The following CCL28 variants were observed in gnomAD, a reference collection of about 807,000 sequenced individuals.
The protein encoded by CCL28 is C-C motif chemokine ligand 28, also known as C-C motif chemokine 28.
Under a neutral mutation model 7.1 loss-of-function variants are expected in CCL28, and 4 were observed. The ratio of observed to expected loss-of-function variants is 0.56; its 90% CI spans 0.28 to 1.29. The LOEUF is 1.29. Ranked by LOEUF, CCL28 falls within the 50% of genes most tolerant of loss-of-function variation. The pLI is 0.11. For missense variants in CCL28, 151 were observed against 163.4 expected, an observed-to-expected ratio of 0.92 and a Z score of 0.41; for synonymous variants, 55 against 57.8, an observed-to-expected ratio of 0.95 and a Z score of 0.22.
chr5:43,382,924 T>A (rs1740181768), intron 2 of CCL28, among the ~76,000 whole-genome samples: 1 of 152,088 alleles, frequency 6.6e-6, no homozygotes, highest in African/African-American at 2.4e-5. Context: ...GTTCAAGTGA[T>A]TCTTCTGCCT....
chr5:43,397,757 C>T (rs1041743143), intron 1 of CCL28, among the ~76,000 whole-genome samples: 2 of 152,106 alleles, frequency 1.3e-5, no homozygotes, highest in Admixed American at 6.5e-5. Flanking sequence ...TTTTATCTTT[C>T]GGTTAAGATT....
At chr5:43,404,332 G>A (rs1741173636) in intron 1 of CCL28, among the ~76,000 whole-genome samples, 1 of 152,206 alleles carries the variant, frequency 6.6e-6, no homozygotes, top group East Asian at 1.9e-4. Context: ...CTACAAGCCA[G>A]AAGAGAGTAG....
At chr5:43,405,083 A>C (rs1741213746) in intron 1 of CCL28, among the ~76,000 whole-genome samples, 1 of 152,114 alleles carries the variant, frequency 6.6e-6, no homozygotes, top group Admixed American at 6.5e-5. Flanking sequence ...CACTGTCAAC[A>C]TTAGACAAAT....
downstream of CCL28, chr5:43,379,125 C>T (rs564291485): frequency 7.9e-5 from 12 of 152,098 alleles, no homozygotes; most frequent in African/African-American, 2.7e-4. Context: ...AATTGCAGAT[C>T]GATCTAGTAA....
chr5:43,396,311 A>T (rs888725969), intron 1 of CCL28, among the ~76,000 whole-genome samples: 4 of 152,290 alleles, frequency 2.6e-5, no homozygotes, highest in Middle Eastern at 3.4e-3. Flanking sequence ...GGTAGGATTT[A>T]GCCGGCTTCT....
chr5:43,392,642 T>C (rs539591419), intron 1 of CCL28, among the ~76,000 whole-genome samples: 9 of 152,344 alleles, frequency 5.9e-5, no homozygotes, highest in African/African-American at 2.2e-4. Context: ...CTGCACATCC[T>C]CAACAACTTT....
At chr5:43,366,451 G>C in the CCL28 span, among the ~76,000 whole-genome samples, 4 of 152,260 alleles carry the variant, frequency 2.6e-5, no homozygotes, top group African/African-American at 9.6e-5. Context: ...GGAGTTTGCC[G>C]GAGGTCCACT....
At chr5:43,370,363 T>C in the CCL28 span, among the ~76,000 whole-genome samples, 1 of 151,962 alleles carries the variant, frequency 6.6e-6, no homozygotes, top group South Asian at 2.1e-4. Flanking sequence ...TATGAGGTCA[T>C]GACTACGCAT....
rs1740096665 is a variant in CCL28 at position 43,381,179 on chromosome 5, G to A, written c.*681C>T. 6.6e-6 allele frequency: 1 copy of A among 151,928 alleles called. No individual in the cohort carries two copies. Among genetic ancestry groups the A allele is most frequent in the African/African-American group, 2.4e-5 (1 of 41,382 alleles). The allele number at this position is 151,928 out of a possible 1,614,324, so 9.4% of individuals were successfully genotyped here. A position where few individuals can be genotyped will look rare whatever the true frequency, so the allele number is the denominator to read the frequency against. ...TTTAAAAGTTATAATATTTTATATA[G>A]AAACACATACAAAGAGAGGAGAGAG... On this transcript the variant is annotated 3_prime_UTR_variant, in exon 3 of 3. Transcript: ENST00000361115.
At chr5:43,409,775 A>C (rs568421253) in intron 1 of CCL28, among the ~76,000 whole-genome samples, 2 of 152,242 alleles carry the variant, frequency 1.3e-5, no homozygotes, top group East Asian at 1.9e-4. Flanking sequence ...CTTAATGTAC[A>C]ATAAAACAGC....
chr5:43,410,315 G>GC (rs1213835105), intron 1 of CCL28, among the ~76,000 whole-genome samples: 1 of 152,172 alleles, frequency 6.6e-6, no homozygotes, highest in African/African-American at 2.4e-5. Context: ...CTGTGGCGTT[G>GC]CCCCTCTATT....
chr5:43,382,069 CA>C lies in CCL28; in HGVS notation c.192-18del. 6.3e-7 allele frequency: 1 copy of C among 1,595,736 alleles called. No homozygotes were observed. Among genetic ancestry groups the C allele is most frequent in the Non-Finnish European group, 8.5e-7 (1 of 1,170,566 alleles). Reference sequence around the variant, plus strand: ...ACATGAAGGCTGTTAGAAAAGGAAGCAAAAGAAAGTCACTGATATAAAACAT... The same window carrying C: ...ACATGAAGGCTGTTAGAAAAGGAAGCAAAGAAAGTCACTGATATAAAACAT... On this transcript the variant is annotated intron_variant, in intron 2 of 2. Transcript: ENST00000361115.
chr5:43,401,461 C>G (rs1741036880), intron 1 of CCL28, among the ~76,000 whole-genome samples: 1 of 152,220 alleles, frequency 6.6e-6, no homozygotes. Flanking sequence ...TAGCATGGTA[C>G]TTAAGCATGT....
At chr5:43,390,120 T>C (rs1033982714) in intron 1 of CCL28, among the ~76,000 whole-genome samples, 1 of 152,216 alleles carries the variant, frequency 6.6e-6, no homozygotes, top group Non-Finnish European at 1.5e-5. Context: ...AGCATTTACA[T>C]AGTTTTGTTC....
At chr5:43,409,843 CAGG>C (rs1741461568) in intron 1 of CCL28, among the ~76,000 whole-genome samples, 1 of 152,058 alleles carries the variant, frequency 6.6e-6, no homozygotes, top group African/African-American at 2.4e-5. Flanking sequence ...GCCACCGAAA[CAGG>C]ATGATAGACA....
chr5:43,373,488 C>T (rs531069124), downstream of CCL28, among the ~76,000 whole-genome samples: 38 of 151,720 alleles, frequency 2.5e-4, no homozygotes, highest in African/African-American at 5.6e-4. Context: ...TTAGTAGAGA[C>T]GGGGTTTCTC....
chr5:43,410,020 C>T (rs1741470720), intron 1 of CCL28, among the ~76,000 whole-genome samples: 1 of 152,204 alleles, frequency 6.6e-6, no homozygotes, highest in Admixed American at 6.5e-5. Context: ...TGAGCCATCA[C>T]AACAAGATAG....
intron 1 of CCL28, among the ~76,000 whole-genome samples, chr5:43,392,408 T>C (rs758404192): frequency 2.4e-4 from 36 of 152,184 alleles, no homozygotes; most frequent in Admixed American, 4.6e-4. Flanking sequence ...TGAGCCACCA[T>C]GCTGGGCCAA....
chr5:43,403,414 C>G (rs927384593), intron 1 of CCL28, among the ~76,000 whole-genome samples: 2 of 152,194 alleles, frequency 1.3e-5, no homozygotes, highest in African/African-American at 4.8e-5. Context: ...TGGAGTGGAC[C>G]TCCAGCAAAC....
Sources: allele counts gnomAD v4.1 joint callset (sites outside exome capture counted in the v4.1 genomes callset), GRCh38; gene constraint gnomAD v4.1.1; transcripts MANE v1.5; gene names NCBI Gene and HGNC (gene_info 2026-07-23, HGNC 2026-07-21).